Variants in WDR7 observed in about 807,000 individuals in gnomAD.
The protein encoded by WDR7 is WD repeat domain 7, also known as WD repeat-containing protein 7.
A neutral mutation model predicts 169.4 loss-of-function variants in WDR7; 46 were observed. The observed-to-expected ratio is 0.27, with a 90% CI of 0.21 to 0.35. The LOEUF (loss-of-function observed/expected upper bound fraction) is 0.35. Among genes scored for constraint, WDR7 ranks in the 10% least tolerant of loss-of-function variants. The pLI, the probability that WDR7 is intolerant of heterozygous loss-of-function variation, is 1.00. For missense variants in WDR7, 1,534 were observed against 1,859.3 expected (o/e 0.83, Z 3.22); for synonymous variants, 612 against 666.8 (o/e 0.92, Z 1.27).
chr18:56,938,585 A>G lies in WDR7; in HGVS notation c.3884A>G (p.His1295Arg). 1 of 1,613,980 alleles carries G rather than the reference A, an allele frequency of 6.2e-7. No individual in the cohort carries two copies. Among genetic ancestry groups the G allele is most frequent in the African/African-American group, 1.3e-5 (1 of 75,022 alleles). Reference sequence around the variant, plus strand: ...AATACCCAATCACAGCAGAATATGCACACAACAACTCTTGCACGAGCTAAA... The same window carrying G: ...AATACCCAATCACAGCAGAATATGCGCACAACAACTCTTGCACGAGCTAAA... ...AANTQSQQNM[H>R]TTTLARAKGE... The change falls in exon 24 of 28, where the codon CAC becomes CGC. Residue 1295 changes from histidine (H) to arginine (R), a missense_variant. Coordinates refer to ENST00000254442, the MANE Select transcript of WDR7 (RefSeq NM_015285.3).
intron 12 of WDR7, among the ~76,000 whole-genome samples, chr18:56,716,542 A>T (rs1203942550): frequency 1.3e-5 from 2 of 152,206 alleles, no homozygotes; most frequent in Admixed American, 6.5e-5. Context: ...AGTAAACATT[A>T]TGCTAGTAAG....
chr18:56,699,087 T>G (rs1259451064), intron 12 of WDR7, among the ~76,000 whole-genome samples: 1 of 152,226 alleles, frequency 6.6e-6, no homozygotes, highest in Non-Finnish European at 1.5e-5. Context: ...TTTAAAATTC[T>G]TATTCAAAAG....
chr18:56,935,745 A>C, intron 22 of WDR7, 43 bp from the exon 23 acceptor site: 1 of 1,569,810 alleles, frequency 6.4e-7, no homozygotes, highest in Non-Finnish European at 8.8e-7. Flanking sequence ...CCATATTTCT[A>C]ATGCTTCTTT....
chr18:57,003,423 TAAAGTCCTTTAA>T (rs1329439343), intron 26 of WDR7, among the ~76,000 whole-genome samples: 1 of 152,082 alleles, frequency 6.6e-6, no homozygotes, highest in Admixed American at 6.6e-5. Context: ...GCACTCTTTT[TAAAGTCCTTTAA>T]AAAGTCCTTT....
chr18:56,834,443 T>G (rs1322392829), intron 20 of WDR7, among the ~76,000 whole-genome samples: 1 of 152,040 alleles, frequency 6.6e-6, no homozygotes, highest in Non-Finnish European at 1.5e-5. Context: ...CTGCTTGCAA[T>G]TTCGTTCCTT....
rs138171594 is a variant in WDR7, at chr18:56,878,382, T to C, written c.3305-1562T>C. 9.3e-4 allele frequency among the ~76,000 whole-genome samples: 142 copies of C among 152,290 alleles called. 1 individual carries two copies. Among genetic ancestry groups the C allele is most frequent in the African/African-American group, 3.1e-3 (127 of 41,572 alleles). ...TCTTATTGCCTGGAAAACTTACCCT[T>C]TGAGTCTTAAATCCAATGTGCTCTC... On this transcript the variant is annotated intron_variant, in intron 20 of 27. Transcript: ENST00000254442.
chr18:56,768,756 T>A (rs187488821), intron 16 of WDR7, among the ~76,000 whole-genome samples: 1 of 152,354 alleles, frequency 6.6e-6, no homozygotes, highest in African/African-American at 2.4e-5. Flanking sequence ...ACTTACAATG[T>A]CTTTTTAAGT....
At chr18:56,878,189 A>C (rs1353494234) in intron 20 of WDR7, among the ~76,000 whole-genome samples, 4 of 152,220 alleles carry the variant, frequency 2.6e-5, no homozygotes, top group Admixed American at 6.5e-5. Context: ...AAGATATAAA[A>C]TTGTTTTAAT....
intron 20 of WDR7, among the ~76,000 whole-genome samples, chr18:56,842,003 A>T (rs1268216587): frequency 6.6e-6 from 1 of 152,228 alleles, no homozygotes; most frequent in Non-Finnish European, 1.5e-5. Context: ...TCAGGAGCCT[A>T]GATTATGGAA....
At chr18:56,846,352 G>A (rs2045568110) in intron 20 of WDR7, among the ~76,000 whole-genome samples, 1 of 152,000 alleles carries the variant, frequency 6.6e-6, no homozygotes, top group Non-Finnish European at 1.5e-5. Flanking sequence ...GGACCCAGGG[G>A]GAGGTAATTG....
chr18:56,804,454 C>T lies in WDR7; in HGVS notation c.3191-11577C>T, dbSNP rs529265411. Among the ~76,000 whole-genome samples, 10 of 152,244 alleles carry T rather than the reference C, an allele frequency of 6.6e-5. 1 individual carries two copies. The highest frequency in any genetic ancestry group is 6.2e-4 in the South Asian group (3 of 4,822). ...GAATTTATTTGAGAAACATAAAAAA[C>T]GTGTCAGAACACTTCATAGTCCACT... On this transcript the variant is annotated intron_variant, in intron 19 of 27. Transcript: ENST00000254442.
At position 56,941,560 on chromosome 18, in the gene WDR7, C is replaced by T. The variant is rs1395595789; in HGVS notation, c.4064+2167C>T. Among the ~76,000 whole-genome samples, 6 of 152,176 alleles carry T rather than the reference C, an allele frequency of 3.9e-5. No homozygotes were observed. In the East Asian group the frequency reaches 1.2e-3, roughly 29 times the overall value. On this transcript the variant is annotated intron_variant, in intron 25 of 27. Coordinates refer to ENST00000254442, the MANE Select transcript of WDR7 (RefSeq NM_015285.3). ...ATGCTGTGTAGTAGAGTGGCTAGAA[C>T]ATAGGTTGAGGATAGGAGTCTAGTA...
intron 14 of WDR7, among the ~76,000 whole-genome samples, chr18:56,741,900 T>C (rs1467950421): frequency 6.6e-6 from 1 of 152,160 alleles, no homozygotes; most frequent in East Asian, 1.9e-4. Context: ...CATAATACCA[T>C]CAAATAATGA....
chr18:56,850,755 C>G (rs1481038829), intron 20 of WDR7, among the ~76,000 whole-genome samples: 1 of 152,138 alleles, frequency 6.6e-6, no homozygotes, highest in Non-Finnish European at 1.5e-5. Context: ...TCAAGCAGTC[C>G]TCCTGCCTCA....
At chr18:56,902,513 A>G (rs1167209530) in intron 21 of WDR7, among the ~76,000 whole-genome samples, 1 of 152,196 alleles carries the variant, frequency 6.6e-6, no homozygotes, top group Non-Finnish European at 1.5e-5. Flanking sequence ...AGGTAAACAC[A>G]GATGGAAACT....
At position 56,691,348 on chromosome 18, in the gene WDR7, A is replaced by G. The variant is rs2025565654; in HGVS notation, c.850A>G (p.Lys284Glu). The G allele has an allele frequency of 6.3e-7, 1 of 1,592,206 alleles. No homozygotes were observed. The highest frequency in any genetic ancestry group is 8.5e-7 in the Non-Finnish European group (1 of 1,175,242). The part of the protein sequence containing the change: ...WTENGQSYIY[K>E]LPASCLPASD... The stretch of plus-strand genomic sequence containing the variant: ...AGAAAATGGGCAAAGTTATATTTAC[A>G]AACTACCTGCCAGGTATGCAGCAAG... Residue 284 changes from lysine (K) to glutamate (E), a missense_variant, in exon 8 of 28, where the codon AAA (lysine) becomes GAA (glutamate). By Grantham distance (56) the Lys-to-Glu change is moderately conservative. Coordinates refer to ENST00000254442, the MANE Select transcript of WDR7 (RefSeq NM_015285.3).
At position 57,028,663 on chromosome 18, in the gene WDR7, A is replaced by G. The variant is rs2145961981; in HGVS notation, c.*1456A>G. On this transcript the variant is annotated 3_prime_UTR_variant, in exon 28 of 28. Transcript: ENST00000254442. ...TAGGTTGTCAGAGTTTATCTGATATACAAAAAAGTAGGATCAAAGTCTAGG... is the reference window on the plus strand; with the variant it reads ...TAGGTTGTCAGAGTTTATCTGATATGCAAAAAAGTAGGATCAAAGTCTAGG... 6.6e-6 allele frequency: 1 copy of G among 152,388 alleles called. No individual in the cohort carries two copies. The highest frequency in any genetic ancestry group is 2.4e-5 in the African/African-American group (1 of 41,586). 9.4% of individuals were successfully genotyped at this position (152,388 alleles called of 1,614,324 possible).
intron 12 of WDR7, among the ~76,000 whole-genome samples, chr18:56,699,049 G>T (rs1370969748): frequency 6.6e-6 from 1 of 151,900 alleles, no homozygotes; most frequent in East Asian, 1.9e-4. Context: ...TTAAAAAATT[G>T]AAATTATAAA....
chr18:56,753,622 G>A (rs1402595662), intron 14 of WDR7, among the ~76,000 whole-genome samples: 1 of 141,946 alleles, frequency 7.0e-6, no homozygotes, highest in Non-Finnish European at 1.5e-5. Flanking sequence ...TTTACTGGGG[G>A]ACAACTGACA....
Sources: allele counts gnomAD v4.1 joint callset (sites outside exome capture counted in the v4.1 genomes callset), GRCh38; gene constraint gnomAD v4.1.1; transcripts MANE v1.5; gene names NCBI Gene and HGNC (gene_info 2026-07-23, HGNC 2026-07-21).